The following RBFOX1 variants were observed in gnomAD, a reference collection of about 807,000 sequenced individuals.
RBFOX1 encodes RNA binding protein fox-1 homolog 1.
A neutral mutation model predicts 57.7 loss-of-function variants in RBFOX1; 8 were observed. The ratio of observed to expected loss-of-function variants is 0.14; its 90% CI spans 0.08 to 0.25. RBFOX1 has a LOEUF of 0.25. Ranked by LOEUF, RBFOX1 falls within the 10% of genes least tolerant of loss-of-function variation. The pLI is 1.00. For missense variants in RBFOX1, 611 were observed against 548.5 expected, an observed-to-expected ratio of 1.11 and a Z score of -1.14; for synonymous variants, 326 against 222.4, an observed-to-expected ratio of 1.47 and a Z score of -4.15.
At chr16:7,492,916 T>A (rs145720950) in intron 4 of RBFOX1, among the ~76,000 whole-genome samples, 1 of 152,024 alleles carries the variant, frequency 6.6e-6, no homozygotes, top group South Asian at 2.1e-4. Context: ...TTTTGAGACG[T>A]CCCCCAGGCT....
At chr16:6,616,852 T>C (rs1329960253) in intron 2 of RBFOX1, among the ~76,000 whole-genome samples, 1 of 152,234 alleles carries the variant, frequency 6.6e-6, no homozygotes, top group South Asian at 2.1e-4. Flanking sequence ...CTAGAGACTA[T>C]GGGCCACCTC....
intron 4 of RBFOX1, among the ~76,000 whole-genome samples, chr16:5,988,038 C>G (rs997775041): frequency 1.3e-5 from 2 of 152,168 alleles, no homozygotes; most frequent in Admixed American, 6.5e-5. Context: ...TTCACCAGCT[C>G]TAGTTTGATT....
chr16:6,603,167 C>G (rs914425518), intron 2 of RBFOX1, among the ~76,000 whole-genome samples: 2 of 152,204 alleles, frequency 1.3e-5, no homozygotes, highest in African/African-American at 2.4e-5. Flanking sequence ...ACAGAAAGAT[C>G]TGAATGGCAG....
intron 3 of RBFOX1, among the ~76,000 whole-genome samples, chr16:7,038,812 G>C (rs1051381558): frequency 6.6e-6 from 1 of 152,130 alleles, no homozygotes; most frequent in East Asian, 1.9e-4. Context: ...GTTGATAATG[G>C]GGTCTTTACC....
chr16:7,091,885 G>C lies in RBFOX1; in HGVS notation c.27+39787G>C, dbSNP rs182900616. Among the ~76,000 whole-genome samples, 63 of 152,330 alleles carry C rather than the reference G, an allele frequency of 4.1e-4. No individual in the cohort carries two copies. In the East Asian group the frequency reaches 0.011, roughly 27 times the overall value. Reference sequence around the variant, plus strand: ...ATGCAGAAGTTGCAGATATAGAGTTGCTTTATTGTCTTGGATCATCATGCC... The same window carrying C: ...ATGCAGAAGTTGCAGATATAGAGTTCCTTTATTGTCTTGGATCATCATGCC... On this transcript the variant is annotated intron_variant, in intron 4 of 15. Coordinates refer to ENST00000550418, the MANE Select transcript of RBFOX1 (RefSeq NM_018723.4).
chr16:6,674,212 T>C (rs1209040759), intron 3 of RBFOX1, among the ~76,000 whole-genome samples: 1 of 152,194 alleles, frequency 6.6e-6, no homozygotes, highest in African/African-American at 2.4e-5. Flanking sequence ...TACCTGTGAA[T>C]GTAAATTTAT....
At chr16:6,876,730 A>C (rs958307665) in intron 3 of RBFOX1, among the ~76,000 whole-genome samples, 1 of 152,180 alleles carries the variant, frequency 6.6e-6, no homozygotes, top group Non-Finnish European at 1.5e-5. Flanking sequence ...GAGAGAACCC[A>C]TAGTCCCTGC....
At chr16:6,982,337 C>G (rs886942225) in intron 3 of RBFOX1, among the ~76,000 whole-genome samples, 3 of 152,182 alleles carry the variant, frequency 2.0e-5, no homozygotes, top group African/African-American at 4.8e-5. Flanking sequence ...CCATTGTTGG[C>G]CAGCATGTCA....
At chr16:6,790,173 T>TATTATTATTATTATC in intron 3 of RBFOX1, among the ~76,000 whole-genome samples, 1 of 142,406 alleles carries the variant, frequency 7.0e-6, no homozygotes, top group Non-Finnish European at 1.5e-5. Context: ...TTTATTCTAT[T>TATTATTATTATTATC]ATTATTATTA....
At chr16:6,221,817 A>G (rs2097375216) in intron 1 of RBFOX1, among the ~76,000 whole-genome samples, 1 of 152,200 alleles carries the variant, frequency 6.6e-6, no homozygotes, top group Admixed American at 6.5e-5. Flanking sequence ...AACTACCACA[A>G]GAACAGTATG....
intron 3 of RBFOX1, among the ~76,000 whole-genome samples, chr16:5,718,915 A>G (rs1476403810): frequency 1.3e-5 from 2 of 151,072 alleles, no homozygotes; most frequent in African/African-American, 4.9e-5. Flanking sequence ...TCTCAAAATG[A>G]ATGAATGAAT....
In RBFOX1 at chr16:6,204,703, T is replaced by C. The variant is rs571622430; in HGVS notation, c.-126-112292T>C. ...AAAAGCTGATCAAATTGAGATATTTTAGAAAGTATGCAGTGTGAAGGGGTT... is the reference window on the plus strand; with the variant it reads ...AAAAGCTGATCAAATTGAGATATTTCAGAAAGTATGCAGTGTGAAGGGGTT... On this transcript the variant is annotated intron_variant, in intron 1 of 15. Transcript: ENST00000550418. Among the ~76,000 whole-genome samples the C allele has an allele frequency of 2.0e-5, 3 of 152,274 alleles. No homozygotes were observed. The South Asian group carries it at 6.2e-4, about 32-fold the overall frequency.
chr16:5,733,231 C>G (rs1383139863), intron 3 of RBFOX1, among the ~76,000 whole-genome samples: 1 of 152,314 alleles, frequency 6.6e-6, no homozygotes, highest in South Asian at 2.1e-4. Context: ...AACACAGTTT[C>G]TAAACTTTCA....
chr16:5,640,695 A>G (rs1277973885), intron 3 of RBFOX1, among the ~76,000 whole-genome samples: 3 of 151,618 alleles, frequency 2.0e-5, no homozygotes, highest in Non-Finnish European at 4.4e-5. Flanking sequence ...CACCATGGAT[A>G]CACACCTATG....
At chr16:6,555,302 T>C (rs1197908875) in intron 2 of RBFOX1, among the ~76,000 whole-genome samples, 6 of 152,176 alleles carry the variant, frequency 3.9e-5, no homozygotes, top group Non-Finnish European at 8.8e-5. Flanking sequence ...GCATGATCAA[T>C]AGTTATAAAA....
intron 4 of RBFOX1, among the ~76,000 whole-genome samples, chr16:7,358,827 C>G (rs2097265905): frequency 6.6e-6 from 1 of 152,166 alleles, no homozygotes; most frequent in Non-Finnish European, 1.5e-5. Context: ...GTTATATGTG[C>G]TCACGATGAC....
chr16:6,145,453 T>A (rs2096750701), intron 1 of RBFOX1, among the ~76,000 whole-genome samples: 1 of 152,220 alleles, frequency 6.6e-6, no homozygotes. Context: ...GCATTTAGGT[T>A]GATTCCATGT....
At chr16:6,622,752 A>G (rs2098251177) in intron 2 of RBFOX1, among the ~76,000 whole-genome samples, 1 of 152,218 alleles carries the variant, frequency 6.6e-6, no homozygotes, top group South Asian at 2.1e-4. Context: ...TTTTGTCTTT[A>G]TATTTAAATA....
intron 5 of RBFOX1, among the ~76,000 whole-genome samples, chr16:7,567,477 A>G (rs1047826336): frequency 6.8e-5 from 5 of 73,592 alleles, no homozygotes; most frequent in African/African-American, 3.0e-4. Context: ...ATATATCCCT[A>G]TGTATGGCCC....
Sources: gnomAD v4.1 joint callset for allele counts (sites outside exome capture counted in the v4.1 genomes callset) on GRCh38, gnomAD v4.1.1 for gene constraint, MANE v1.5 for transcripts, NCBI Gene and HGNC (gene_info 2026-07-23, HGNC 2026-07-21) for gene names.